R3HCC1L: variants seen among roughly 807,000 people sequenced by gnomAD.
R3HCC1L encodes the protein R3H domain and coiled-coil containing 1 like.
R3HCC1L carries 51 observed loss-of-function variants against 59.9 expected under a neutral mutation model. The observed-to-expected ratio is 0.85, with a 90% CI of 0.68 to 1.07. The LOEUF is 1.07. R3HCC1L is among the 50% of genes least tolerant of loss of function. The pLI, the probability that R3HCC1L is intolerant of heterozygous loss-of-function variation, is 0.00. For synonymous variants in R3HCC1L, 322 were observed against 315.2 expected (o/e 1.02, Z -0.23); for missense variants, 965 against 933.0 (o/e 1.03, Z -0.45).
At chr10:98,182,785 C>G (rs1005431788) in intron 4 of R3HCC1L, among the ~76,000 whole-genome samples, 1 of 152,124 alleles carries the variant, frequency 6.6e-6, no homozygotes, top group Admixed American at 6.5e-5. Context: ...CCTCGCAGTT[C>G]GATCTTGGAC....
intron 5 of R3HCC1L, among the ~76,000 whole-genome samples, chr10:98,220,984 C>A: frequency 6.8e-6 from 1 of 146,548 alleles, no homozygotes; most frequent in Non-Finnish European, 1.5e-5. Context: ...AACTAGTTTA[C>A]AGTCCCACCA....
chr10:98,143,489 T>G (rs1441947671), intron 1 of R3HCC1L, among the ~76,000 whole-genome samples: 1 of 152,234 alleles, frequency 6.6e-6, no homozygotes, highest in Non-Finnish European at 1.5e-5. Context: ...GTGACATTGC[T>G]GTTCTTTGCC....
At chr10:98,168,947 T>C (rs1848225070) in intron 4 of R3HCC1L, among the ~76,000 whole-genome samples, 1 of 152,158 alleles carries the variant, frequency 6.6e-6, no homozygotes, top group South Asian at 2.1e-4. Context: ...TAGAGATTAT[T>C]CTTATGCGGA....
At chr10:98,155,577 A>G (rs372027735) in intron 1 of R3HCC1L, among the ~76,000 whole-genome samples, 1 of 152,086 alleles carries the variant, frequency 6.6e-6, no homozygotes, top group Non-Finnish European at 1.5e-5. Context: ...TATTTTATCA[A>G]TAGATGTAGA....
At chr10:98,139,958 A>G (rs929477907) in intron 1 of R3HCC1L, among the ~76,000 whole-genome samples, 2 of 151,878 alleles carry the variant, frequency 1.3e-5, no homozygotes, top group East Asian at 3.9e-4. Context: ...GAGGTTTCCA[A>G]ATAACATGGG....
Position 98,236,047 on chromosome 10 carries a change from C to A in R3HCC1L, c.2152C>A (p.Arg718Ser). 1.9e-6 allele frequency: 3 copies of A among 1,613,712 alleles called. No individual in the cohort carries two copies. The highest frequency in any genetic ancestry group is 2.5e-6 in the Non-Finnish European group (3 of 1,179,700). The change falls in exon 9 of 10, where the codon CGT becomes AGT. Residue 718 changes from arginine to serine, a missense_variant. Arg to Ser is a moderately radical substitution (Grantham distance 110). Coordinates refer to ENST00000298999, the MANE Select transcript of R3HCC1L (RefSeq NM_001351015.2). ...YAEFLQPAKE[R>S]PETSAALARR... ...AGAGTTCCTCCAGCCAGCAAAGGAGCGTCCTGAGACTTCAGCAGCCCTAGC... is the reference window on the plus strand; with the variant it reads ...AGAGTTCCTCCAGCCAGCAAAGGAGAGTCCTGAGACTTCAGCAGCCCTAGC...
rs751181899 is a variant in R3HCC1L, at chr10:98,209,812, C to T, written c.1698C>T (p.His566=). 4 of 1,613,772 alleles carry T rather than the reference C, an allele frequency of 2.5e-6. No individual in the cohort carries two copies. The African/African-American group carries it at 5.3e-5, about 22-fold the overall frequency. The change falls in exon 5 of 10, where the codon CAC becomes CAT. Residue 566 remains histidine (H), a synonymous_variant. Coordinates refer to ENST00000298999, the MANE Select transcript of R3HCC1L (RefSeq NM_001351015.2). ...SIEPKATETS[H]TEGITAIEES... ...AACCAAAAGCAACTGAAACTTCTCA[C>T]ACAGAGGGAATTACTGCCATTGAGG...
chr10:98,216,800 G>A (rs948243270), intron 5 of R3HCC1L, among the ~76,000 whole-genome samples: 1 of 152,050 alleles, frequency 6.6e-6, no homozygotes, highest in Non-Finnish European at 1.5e-5. Flanking sequence ...GGCTGGTCTT[G>A]ATCTTGTGGC....
intron 5 of R3HCC1L, among the ~76,000 whole-genome samples, chr10:98,220,502 A>G (rs553186191): frequency 2.7e-5 from 4 of 148,728 alleles, no homozygotes; most frequent in East Asian, 4.0e-4. Flanking sequence ...GTCATCTAGC[A>G]TTAGGTATCT....
At position 98,142,828 on chromosome 10, in the gene R3HCC1L, A is replaced by G. The variant is rs374043763; in HGVS notation, c.-268+8122A>G. 8.7e-4 allele frequency among the ~76,000 whole-genome samples: 132 copies of G among 152,104 alleles called. 1 individual carries two copies. Among genetic ancestry groups the G allele is most frequent in the African/African-American group, 3.2e-3 (131 of 41,498 alleles). On this transcript the variant is annotated intron_variant, in intron 1 of 9. Coordinates refer to ENST00000298999, the MANE Select transcript of R3HCC1L (RefSeq NM_001351015.2). ...CATGTGCCTGTAGTCCCAGCTACTCAGGAGGCTGAGGCAGGAGAATCGTTT... is the reference window on the plus strand; with the variant it reads ...CATGTGCCTGTAGTCCCAGCTACTCGGGAGGCTGAGGCAGGAGAATCGTTT...
intron 4 of R3HCC1L, 87 bp downstream of exon 4, chr10:98,163,484 TATC>T: frequency 2.3e-6 from 2 of 881,316 alleles, no homozygotes; most frequent in Non-Finnish European, 3.2e-6. Context: ...TTTCTTCAGT[TATC>T]ATTTTATTTT....
intron 6 of R3HCC1L, among the ~76,000 whole-genome samples, chr10:98,232,074 G>A (rs540136053): frequency 1.2e-4 from 19 of 152,128 alleles, no homozygotes; most frequent in African/African-American, 4.3e-4. Context: ...CTGCAGCCTC[G>A]ACTTCCTGGG....
In R3HCC1L at chr10:98,169,903, T is replaced by TC. The variant is rs776562723; in HGVS notation, c.-15+6506_-15+6507insC. Among the ~76,000 whole-genome samples, 187 of 145,548 alleles carry TC rather than the reference T, an allele frequency of 1.3e-3. 3 individuals are homozygous for TC. Among genetic ancestry groups the TC allele is most frequent in the East Asian group, 3.5e-3 (17 of 4,862 alleles). On this transcript the variant is annotated intron_variant, in intron 4 of 9. Coordinates refer to ENST00000298999, the MANE Select transcript of R3HCC1L (RefSeq NM_001351015.2). Reference sequence around the variant, plus strand: ...CACAACCTTTTTTTTTTTTTTTTTTTGGAGTGAGTGCTTTTTTTTGGGAAT... The same window carrying TC: ...CACAACCTTTTTTTTTTTTTTTTTTTCGGAGTGAGTGCTTTTTTTTGGGAAT...
chr10:98,163,527 T>C (rs776092458), intron 4 of R3HCC1L, 130 bp downstream of exon 4: 17 of 531,194 alleles, frequency 3.2e-5, no homozygotes, highest in Non-Finnish European at 4.0e-5. Flanking sequence ...AGTTTGAAAA[T>C]GGCAGTTTCC....
At chr10:98,160,325 A>T (rs1847283769) in intron 2 of R3HCC1L, among the ~76,000 whole-genome samples, 1 of 152,252 alleles carries the variant, frequency 6.6e-6, no homozygotes, top group South Asian at 2.1e-4. Flanking sequence ...CAAGTGTAAA[A>T]TGTACATTGG....
At chr10:98,146,181 T>TTC in intron 1 of R3HCC1L, among the ~76,000 whole-genome samples, 1 of 151,724 alleles carries the variant, frequency 6.6e-6, no homozygotes, top group Admixed American at 6.6e-5. Flanking sequence ...AGCATCTTTT[T>TTC]TGGTTACAGC....
intron 9 of R3HCC1L, among the ~76,000 whole-genome samples, chr10:98,239,529 A>T (rs1857304506): frequency 6.6e-6 from 1 of 152,178 alleles, no homozygotes; most frequent in Admixed American, 6.5e-5. Flanking sequence ...TACATGGATG[A>T]CATTGGTTAC....
At chr10:98,186,542 T>C in intron 4 of R3HCC1L, 1 of 975,860 alleles carries the variant, frequency 1.0e-6, no homozygotes, top group Non-Finnish European at 1.2e-6. Context: ...TCAAGTCTTC[T>C]GAGACTCCAG....
chr10:98,230,030 G>T (rs1213356564), intron 5 of R3HCC1L, among the ~76,000 whole-genome samples: 1 of 139,794 alleles, frequency 7.2e-6, no homozygotes, highest in Non-Finnish European at 1.6e-5. Flanking sequence ...AGGGATATTG[G>T]TCTGAAATTC....
Sources: allele counts gnomAD v4.1 joint callset (sites outside exome capture counted in the v4.1 genomes callset), GRCh38; gene constraint gnomAD v4.1.1; transcripts MANE v1.5; gene names NCBI Gene and HGNC (gene_info 2026-07-23, HGNC 2026-07-21).